Variants in CCDC138 observed in about 807,000 individuals in gnomAD.
CCDC138 encodes the protein coiled-coil domain-containing protein 138.
In CCDC138, 66 loss-of-function variants were observed where a neutral mutation model predicts 82.3. The ratio of observed to expected loss-of-function variants is 0.80; its 90% confidence interval spans 0.66 to 0.98. The LOEUF (loss-of-function observed/expected upper bound fraction) is 0.98. CCDC138 is among the 50% of genes least tolerant of loss of function. The probability of loss-of-function intolerance (pLI) is 0.00; values close to 1 mark genes in which losing one functional copy is unlikely to be tolerated. For synonymous variants in CCDC138, 297 were observed against 265.4 expected (o/e 1.12, Z -1.16); for missense variants, 816 against 758.9 (o/e 1.08, Z -0.88).
chr2:108,822,462 A>G lies in CCDC138; in HGVS notation c.1206+6357A>G, dbSNP rs992084445. Among the ~76,000 whole-genome samples the G allele has an allele frequency of 7.9e-5, 12 of 152,210 alleles. 1 individual carries two copies. Among genetic ancestry groups the G allele is most frequent in the Admixed American group, 5.9e-4 (9 of 15,266 alleles). ...AATAAATTAACTCGATCTGTCAGAC[A>G]TATACAGAACACTCTACCCAACAAC... On this transcript the variant is annotated intron_variant, in intron 10 of 14. Transcript: ENST00000295124.
Position 108,798,473 on chromosome 2 carries a change from C to T in CCDC138, c.622C>T (p.Arg208Ter), listed in dbSNP as rs768858881. ...QQKFAEELQK[R>*]ERFLLEREQL... is the part of the protein sequence containing the mutation. ...GAAATTTGCTGAAGAACTTCAAAAGCGAGAACGTTTTTTACTTGAAAGAGA... is the reference window on the plus strand; with the variant it reads ...GAAATTTGCTGAAGAACTTCAAAAGTGAGAACGTTTTTTACTTGAAAGAGA... Residue 208 changes from arginine (R) to a stop codon, truncating the protein, a stop_gained, in exon 6 of 15, where the codon CGA becomes TGA. Coordinates refer to ENST00000295124, the MANE Select transcript of CCDC138 (RefSeq NM_144978.3). LOFTEE classifies it high-confidence loss of function. 35 of 1,613,436 alleles carry T rather than the reference C, an allele frequency of 2.2e-5. 1 individual carries two copies. Among genetic ancestry groups the T allele is most frequent in the South Asian group, 1.3e-4 (12 of 91,014 alleles).
At chr2:108,808,481 A>C (rs1271355398) in intron 7 of CCDC138, among the ~76,000 whole-genome samples, 1 of 152,118 alleles carries the variant, frequency 6.6e-6, no homozygotes, top group Non-Finnish European at 1.5e-5. Context: ...CCCCACCAAC[A>C]ATGTAAAAGA....
intron 10 of CCDC138, among the ~76,000 whole-genome samples, chr2:108,833,716 G>A (rs978909628): frequency 2.1e-5 from 3 of 141,892 alleles, no homozygotes; most frequent in African/African-American, 7.8e-5. Context: ...AAAATTTAAT[G>A]TGGAGTAAAC....
chr2:108,794,945 T>G (rs2149484776), intron 5 of CCDC138, among the ~76,000 whole-genome samples: 1 of 152,262 alleles, frequency 6.6e-6, no homozygotes, highest in Non-Finnish European at 1.5e-5. Context: ...GGTGTGTGTT[T>G]CAGACTGTCT....
chr2:108,794,458 A>G lies in CCDC138; in HGVS notation c.395-82A>G, dbSNP rs146386542. 495 of 1,227,142 alleles carry G rather than the reference A, an allele frequency of 4.0e-4. 4 individuals carry two copies. In the African/African-American group the frequency reaches 6.7e-3, roughly 17 times the overall value. The allele number at this position is 1,227,142 out of a possible 1,614,324, so 76.0% of individuals were successfully genotyped here. A position where few individuals can be genotyped will look rare whatever the true frequency, so the allele number is the denominator to read the frequency against. On this transcript the variant is annotated intron_variant, in intron 4 of 14. Transcript: ENST00000295124. Reference sequence around the variant, plus strand: ...TAATGTTATATTTTGTACTTAAAGCATCTCTTCCTAAAGGTTACTCTGAGA... The same window carrying G: ...TAATGTTATATTTTGTACTTAAAGCGTCTCTTCCTAAAGGTTACTCTGAGA...
At chr2:108,827,566 C>T (rs1574096538) in intron 10 of CCDC138, among the ~76,000 whole-genome samples, 2 of 151,928 alleles carry the variant, frequency 1.3e-5, no homozygotes. Context: ...CCTGTAATCC[C>T]AGCACTTTGG....
downstream of CCDC138, among the ~76,000 whole-genome samples, chr2:108,880,468 C>G (rs1436201734): frequency 6.6e-6 from 1 of 152,070 alleles, no homozygotes; most frequent in Non-Finnish European, 1.5e-5. Context: ...GCTAAACTTC[C>G]TAGGTTTTCA....
intron 7 of CCDC138, among the ~76,000 whole-genome samples, chr2:108,807,218 T>A (rs1683019002): frequency 6.6e-6 from 1 of 152,200 alleles, no homozygotes; most frequent in African/African-American, 2.4e-5. Context: ...ATTAATATGT[T>A]CAAGAAAGTA....
intron 5 of CCDC138, among the ~76,000 whole-genome samples, chr2:108,797,628 A>T (rs1681122916): frequency 6.6e-6 from 1 of 152,128 alleles, no homozygotes; most frequent in Non-Finnish European, 1.5e-5. Context: ...TCTTCACAGG[A>T]TGGCTTAAGG....
intron 10 of CCDC138, among the ~76,000 whole-genome samples, chr2:108,828,194 G>A (rs961055066): frequency 2.2e-4 from 34 of 151,874 alleles, no homozygotes; most frequent in African/African-American, 8.0e-4. Flanking sequence ...GGAGGTTATC[G>A]TGAAACCATA....
intron 11 of CCDC138, among the ~76,000 whole-genome samples, chr2:108,841,003 T>G (rs113319853): frequency 7.3e-5 from 11 of 151,346 alleles, no homozygotes; most frequent in East Asian, 1.9e-4. Flanking sequence ...GTGTGTGTGT[T>G]TTTTGTTTGT....
At chr2:108,883,855 G>A (rs1051989345) in intron 2 of CCDC138, 1 of 152,240 alleles carries the variant, frequency 6.6e-6, no homozygotes, top group Admixed American at 6.5e-5. Context: ...CCTTGAGGGT[G>A]TCATCTGCTT....
Position 108,812,922 on chromosome 2 carries a change from T to A in CCDC138, c.1036T>A (p.Tyr346Asn). The A allele has an allele frequency of 6.2e-7, 1 of 1,613,464 alleles. No individual in the cohort carries two copies. The highest frequency in any genetic ancestry group is 8.5e-7 in the Non-Finnish European group (1 of 1,179,656). The change falls in exon 9 of 15, where the codon TAC (tyrosine) becomes AAC (asparagine). Residue 346 changes from tyrosine to asparagine, a missense_variant. Tyr to Asn is a moderately radical substitution (Grantham distance 143). Coordinates refer to ENST00000295124, the MANE Select transcript of CCDC138 (RefSeq NM_144978.3). ...KQEKAPVSKTYKVPLNGQVYE... is the reference protein window; with the variant it reads ...KQEKAPVSKTNKVPLNGQVYE... ...AGAAAAAGCACCAGTTTCAAAAACT[T>A]ACAAGGTAAGTTTGAATTATGATTT...
intron 11 of CCDC138, among the ~76,000 whole-genome samples, chr2:108,840,925 C>T (rs948375786): frequency 4.6e-5 from 7 of 152,172 alleles, no homozygotes; most frequent in Admixed American, 2.6e-4. Flanking sequence ...GATTCTCCTG[C>T]ATCAGCCTCC....
At chr2:108,844,368 T>C (rs1246108793) in intron 11 of CCDC138, among the ~76,000 whole-genome samples, 3 of 152,132 alleles carry the variant, frequency 2.0e-5, no homozygotes, top group South Asian at 2.1e-4. Context: ...GAGACTGTTA[T>C]TGTATTTCCA....
At chr2:108,817,269 A>G (rs1684949205) in intron 10 of CCDC138, among the ~76,000 whole-genome samples, 2 of 151,882 alleles carry the variant, frequency 1.3e-5, no homozygotes, top group African/African-American at 2.4e-5. Flanking sequence ...AAAGAGGGCC[A>G]TGAGACATGG....
Position 108,836,487 on chromosome 2 carries a change from G to A in CCDC138, c.1207-2698G>A, listed in dbSNP as rs149707698. 3.5e-3 allele frequency among the ~76,000 whole-genome samples: 540 copies of A among 152,268 alleles called. 4 individuals are homozygous for A. The highest frequency in any genetic ancestry group is 0.01 in the Middle Eastern group (3 of 294). On this transcript the variant is annotated intron_variant, in intron 10 of 14. Transcript: ENST00000295124. ...TATGGACTTGCAAATATCCTTTCAA[G>A]ACCCTGTTTTCAATCCCTTTGGACA... is the stretch of plus-strand genomic sequence containing the variant.
chr2:108,853,041 C>T (rs767542326), intron 12 of CCDC138, among the ~76,000 whole-genome samples: 4 of 152,068 alleles, frequency 2.6e-5, no homozygotes, highest in Non-Finnish European at 4.4e-5. Context: ...ACATCATAAC[C>T]TTTCGTGAGA....
intron 13 of CCDC138, among the ~76,000 whole-genome samples, chr2:108,857,891 G>A (rs1156866347): frequency 6.6e-6 from 1 of 152,214 alleles, no homozygotes; most frequent in Non-Finnish European, 1.5e-5. Flanking sequence ...GACAGAGATG[G>A]CATCTTTCTC....
Sources: allele counts gnomAD v4.1 joint callset (sites outside exome capture counted in the v4.1 genomes callset), GRCh38; gene constraint gnomAD v4.1.1; transcripts MANE v1.5; gene names NCBI Gene and HGNC (gene_info 2026-07-23, HGNC 2026-07-21).